ZNF134: variants seen among roughly 807,000 people sequenced by gnomAD.
ZNF134 encodes the protein zinc finger protein 134 (clone pHZ-15).
ZNF134 carries 5 observed loss-of-function variants against 2.5 expected under a neutral mutation model. The ratio of observed to expected loss-of-function variants is 2.03; its 90% CI spans 1.06 to 4.27. The LOEUF (loss-of-function observed/expected upper bound fraction) is 4.27, where lower values mean the gene tolerates loss of function less well. ZNF134 is among the 30% of genes most tolerant of loss of function. ZNF134 has a pLI of 0.00. For missense variants in ZNF134, 540 were observed against 517.5 expected, an observed-to-expected ratio of 1.04 and a Z score of -0.42; for synonymous variants, 176 against 176.2, an observed-to-expected ratio of 1.00 and a Z score of 0.01.
intron 1 of ZNF134, among the ~76,000 whole-genome samples, chr19:57,614,775 TG>T (rs1046165322): frequency 3.3e-5 from 5 of 152,182 alleles, no homozygotes; most frequent in African/African-American, 1.2e-4. Context: ...ATAGGAGCCA[TG>T]GCGGGTTTTG....
intron 1 of ZNF134, among the ~76,000 whole-genome samples, chr19:57,617,704 C>T (rs556696881): frequency 6.6e-6 from 1 of 152,190 alleles, no homozygotes; most frequent in South Asian, 2.1e-4. Context: ...AGCTTTGCTT[C>T]CAATTTAGAG....
chr19:57,618,368 C>T (rs1246758605), intron 1 of ZNF134, among the ~76,000 whole-genome samples: 1 of 152,038 alleles, frequency 6.6e-6, no homozygotes, highest in Non-Finnish European at 1.5e-5. Context: ...CATGGAGGTA[C>T]CAGTGTTGTG....
chr19:57,621,286 A>G lies in ZNF134; in HGVS notation c.1167A>G (p.Arg389=). The part of the protein sequence containing the change: ...KDFIRTSHLV[R]HQRVHTGERP... ...TTATCAGAACCTCCCACCTTGTTCG[A>G]CACCAAAGAGTTCACACTGGAGAAA... The change falls in exon 3 of 3, where the codon CGA becomes CGG. Residue 389 remains arginine, a synonymous_variant. Coordinates refer to ENST00000396161, the MANE Select transcript of ZNF134 (RefSeq NM_003435.5). 1 of 1,613,830 alleles carries G rather than the reference A, an allele frequency of 6.2e-7. No homozygotes were observed.
chr19:57,623,555 A>G lies in ZNF134; in HGVS notation c.*2152A>G, dbSNP rs1981292564. 6.6e-6 allele frequency: 1 copy of G among 152,180 alleles called. No individual in the cohort carries two copies. Among genetic ancestry groups the G allele is most frequent in the Non-Finnish European group, 1.5e-5 (1 of 68,018 alleles). 9.4% of individuals were successfully genotyped at this position (152,180 alleles called of 1,614,324 possible). On this transcript the variant is annotated 3_prime_UTR_variant, in exon 3 of 3. Coordinates refer to ENST00000396161, the MANE Select transcript of ZNF134 (RefSeq NM_003435.5). ...TCAGCCCATCTTAATTGGAAAAAAA[A>G]AACAAACCATTGAAATTAAGAGATT...
Position 57,620,626 on chromosome 19 carries a change from T to C in ZNF134, c.507T>C (p.Phe169=), listed in dbSNP as rs746127725. ...GGAGCACTGAGAGTGGGGATGCATTTCATGGTGAACAAATGCATTACAAGT... is the reference window on the plus strand; with the variant it reads ...GGAGCACTGAGAGTGGGGATGCATTCCATGGTGAACAAATGCATTACAAGT... ...THRSTESGDA[F]HGEQMHYKCS... Residue 169 remains phenylalanine (F), a synonymous_variant, in exon 3 of 3, where the codon TTT becomes TTC. Transcript: ENST00000396161. The C allele has an allele frequency of 6.2e-7, 1 of 1,614,192 alleles. No individual in the cohort carries two copies. Among genetic ancestry groups the C allele is most frequent in the East Asian group, 2.2e-5 (1 of 44,888 alleles).
chr19:57,619,402 T>C lies in ZNF134; in HGVS notation c.-57-10T>C. On this transcript the variant is annotated splice_polypyrimidine_tract_variant and intron_variant, in intron 1 of 2. Transcript: ENST00000396161. The stretch of plus-strand genomic sequence containing the variant: ...TGTTTCACCTTTCCCCTATGCTTTG[T>C]ATCTTCCAGATCCTCTGTGGTTGTT... 6.4e-7 allele frequency: 1 copy of C among 1,559,222 alleles called. No individual in the cohort carries two copies.
At position 57,614,383 on chromosome 19, in the gene ZNF134, C is replaced by T. The variant is rs768036954; in HGVS notation, c.-178C>T. Reference sequence around the variant, plus strand: ...CGGAGTGGCTCGCCAGCGAAGACCCCGCCTGCGCCCCCGGGGACGGACGAC... The same window carrying T: ...CGGAGTGGCTCGCCAGCGAAGACCCTGCCTGCGCCCCCGGGGACGGACGAC... On this transcript the variant is annotated 5_prime_UTR_variant, in exon 1 of 3. Coordinates refer to ENST00000396161, the MANE Select transcript of ZNF134 (RefSeq NM_003435.5). The T allele has an allele frequency of 2.2e-6, 1 of 453,612 alleles. No individual in the cohort carries two copies. Among genetic ancestry groups the T allele is most frequent in the South Asian group, 1.6e-5 (1 of 64,328 alleles). 28.1% of individuals were successfully genotyped at this position (453,612 alleles called of 1,614,324 possible).
chr19:57,619,575 G>A (rs1427387947), intron 2 of ZNF134, 67 bp downstream of exon 2: 2 of 1,502,812 alleles, frequency 1.3e-6, no homozygotes, highest in South Asian at 2.6e-5. Flanking sequence ...AACCTATGTT[G>A]TGCCCATCAC....
rs181993851 is a variant in ZNF134 at position 57,619,858 on chromosome 19, G to A, written c.41-302G>A. 5.3e-3 allele frequency among the ~76,000 whole-genome samples: 810 copies of A among 152,140 alleles called. 8 individuals are homozygous for A. Among genetic ancestry groups the A allele is most frequent in the South Asian group, 0.035 (168 of 4,816 alleles). On this transcript the variant is annotated intron_variant, in intron 2 of 2. Transcript: ENST00000396161. Reference sequence around the variant, plus strand: ...TTTCCTGGGCCTGTACTCACATTTCGCATAGGAGTCACCTGTCACCCACAG... The same window carrying A: ...TTTCCTGGGCCTGTACTCACATTTCACATAGGAGTCACCTGTCACCCACAG...
chr19:57,621,361 C>T lies in ZNF134; in HGVS notation c.1242C>T (p.His414=). The T allele has an allele frequency of 6.2e-7, 1 of 1,614,048 alleles. No homozygotes were observed. The highest frequency in any genetic ancestry group is 1.1e-5 in the South Asian group (1 of 91,082). ...GGAAGGCCTACAGCTTAAGCTCCCA[C>T]CTCAATCGGCACCAGAAAGTTCACA... ...ECGKAYSLSS[H]LNRHQKVHTA... Residue 414 remains histidine, a synonymous_variant, in exon 3 of 3, where the codon CAC becomes CAT. Coordinates refer to ENST00000396161, the MANE Select transcript of ZNF134 (RefSeq NM_003435.5).
intron 1 of ZNF134, among the ~76,000 whole-genome samples, chr19:57,617,760 G>A (rs992604883): frequency 6.6e-6 from 1 of 152,178 alleles, no homozygotes; most frequent in Non-Finnish European, 1.5e-5. Flanking sequence ...CACACTGTAA[G>A]GGCAGACACA....
rs546608813 is a variant in ZNF134 at position 57,621,511 on chromosome 19, A to G, written c.*108A>G. ...GGTGCCAGGTACGTGGGAACCTTCTAGGGATATGTTGCACTTTCTGACTTG... is the reference window on the plus strand; with the variant it reads ...GGTGCCAGGTACGTGGGAACCTTCTGGGGATATGTTGCACTTTCTGACTTG... On this transcript the variant is annotated 3_prime_UTR_variant, in exon 3 of 3. Transcript: ENST00000396161. 1.2e-5 allele frequency: 19 copies of G among 1,542,060 alleles called. No homozygotes were observed. In the South Asian group the frequency reaches 2.0e-4, roughly 16 times the overall value.
In ZNF134 at chr19:57,621,330, A is replaced by C; in HGVS notation, c.1211A>C (p.Glu404Ala). ...GGAGAAAGGCCATATGAGTGCAGTGAATGTGGGAAGGCCTACAGCTTAAGC... is the reference window on the plus strand; with the variant it reads ...GGAGAAAGGCCATATGAGTGCAGTGCATGTGGGAAGGCCTACAGCTTAAGC... ...HTGERPYECS[E>A]CGKAYSLSSH... Residue 404 changes from glutamate to alanine, a missense_variant, in exon 3 of 3, where the codon GAA becomes GCA. Coordinates refer to ENST00000396161, the MANE Select transcript of ZNF134 (RefSeq NM_003435.5). The C allele has an allele frequency of 6.2e-7, 1 of 1,614,194 alleles. No homozygotes were observed. The highest frequency in any genetic ancestry group is 8.5e-7 in the Non-Finnish European group (1 of 1,180,030).
At position 57,624,675 on chromosome 19, in the gene ZNF134, C is replaced by G. The variant is rs1981326420; in HGVS notation, c.*3272C>G. On this transcript the variant is annotated 3_prime_UTR_variant, in exon 3 of 3. Coordinates refer to ENST00000396161, the MANE Select transcript of ZNF134 (RefSeq NM_003435.5). ...CTCTCAGGGGCACTCCCACACTTCT[C>G]TCTTGTGTGTACTTTTGCTTCACAA... 1.3e-5 allele frequency: 2 copies of G among 152,258 alleles called. No individual in the cohort carries two copies. The highest frequency in any genetic ancestry group is 2.1e-4 in the South Asian group (1 of 4,828). 9.4% of individuals were successfully genotyped at this position (152,258 alleles called of 1,614,324 possible). A position where few individuals can be genotyped will look rare whatever the true frequency, so the allele number is the denominator to read the frequency against.
In ZNF134 at chr19:57,619,411, G is replaced by T; in HGVS notation, c.-57-1G>T. On this transcript the variant is annotated splice_acceptor_variant, in intron 1 of 2. Coordinates refer to ENST00000396161, the MANE Select transcript of ZNF134 (RefSeq NM_003435.5). LOFTEE classifies it low-confidence loss of function (5UTR_SPLICE). ...TTTCCCCTATGCTTTGTATCTTCCA[G>T]ATCCTCTGTGGTTGTTGAATTGTAA... 1 of 1,568,318 alleles carries T rather than the reference G, an allele frequency of 6.4e-7. No homozygotes were observed.
chr19:57,620,262 C>A lies in ZNF134; in HGVS notation c.143C>A (p.Thr48Lys). The change falls in exon 3 of 3, where the codon ACG becomes AAG. Residue 48 changes from threonine to lysine, a missense_variant. Thr to Lys is a moderately conservative substitution (Grantham distance 78). Transcript: ENST00000396161. ...NTSKAGLPAQ[T>K]ALPCDICGPI... is the part of the protein sequence containing the mutation. ...TCCAAGGCAGGTTTGCCCGCACAGA[C>A]GGCTCTCCCTTGTGACATATGTGGC... 6.2e-7 allele frequency: 1 copy of A among 1,614,174 alleles called. No individual in the cohort carries two copies. Among genetic ancestry groups the A allele is most frequent in the Non-Finnish European group, 8.5e-7 (1 of 1,180,038 alleles).
chr19:57,614,861 G>C (rs1331108423), intron 1 of ZNF134, among the ~76,000 whole-genome samples: 1 of 152,032 alleles, frequency 6.6e-6, no homozygotes, highest in Non-Finnish European at 1.5e-5. Context: ...ACCGACTACA[G>C]TGAGGTAGAA....
intron 2 of ZNF134, 198 bp downstream of exon 2, chr19:57,619,706 G>A: frequency 1.6e-6 from 1 of 617,210 alleles, no homozygotes; most frequent in South Asian, 2.1e-5. Context: ...TACCAGAGGG[G>A]CTCTAGTAGA....
chr19:57,621,689 G>A lies in ZNF134; in HGVS notation c.*286G>A. Reference sequence around the variant, plus strand: ...CATGAAATGCCTGAGTTCATTGGGGGTCCTCATTCCCTTCTGTATGACAGG... The same window carrying A: ...CATGAAATGCCTGAGTTCATTGGGGATCCTCATTCCCTTCTGTATGACAGG... On this transcript the variant is annotated 3_prime_UTR_variant, in exon 3 of 3. Transcript: ENST00000396161. 1.8e-6 allele frequency: 1 copy of A among 554,222 alleles called. No individual in the cohort carries two copies. The highest frequency in any genetic ancestry group is 3.3e-6 in the Non-Finnish European group (1 of 299,922). The allele number at this position is 554,222 out of a possible 1,614,324, so 34.3% of individuals were successfully genotyped here. A position where few individuals can be genotyped will look rare whatever the true frequency, so the allele number is the denominator to read the frequency against.
Sources: allele counts gnomAD v4.1 joint callset (sites outside exome capture counted in the v4.1 genomes callset), GRCh38; gene constraint gnomAD v4.1.1; transcripts MANE v1.5; gene names NCBI Gene and HGNC (gene_info 2026-07-23, HGNC 2026-07-21).